Variants in DRC8 observed in about 807,000 individuals in gnomAD.
DRC8 encodes the protein dynein regulatory complex protein 8.
At chr1:245,050,901 A>T in the DRC8 span, among the ~76,000 whole-genome samples, 1 of 152,002 alleles carries the variant, frequency 6.6e-6, no homozygotes, top group South Asian at 2.1e-4. Flanking sequence ...ACTTTGAGAC[A>T]GGGTTTCACT....
At chr1:244,986,922 G>A in the DRC8 span, among the ~76,000 whole-genome samples, 1 of 152,006 alleles carries the variant, frequency 6.6e-6, no homozygotes, top group Non-Finnish European at 1.5e-5. Flanking sequence ...GAGGAGACAG[G>A]GATGAATGAA....
chr1:244,970,731 C>T, the DRC8 span: 3 of 465,616 alleles, frequency 6.4e-6, no homozygotes, highest in African/African-American at 2.2e-5. Context: ...CCGCCTTCTT[C>T]TTTCTCCTCC....
At chr1:245,090,324 C>T in the DRC8 span, among the ~76,000 whole-genome samples, 1 of 152,142 alleles carries the variant, frequency 6.6e-6, no homozygotes, top group South Asian at 2.1e-4. Flanking sequence ...GTCTTTCCTG[C>T]CTGAGTGATA....
chr1:245,092,111 A>G, the DRC8 span, among the ~76,000 whole-genome samples: 1 of 152,096 alleles, frequency 6.6e-6, no homozygotes, highest in South Asian at 2.1e-4. Flanking sequence ...TGTGTGACTC[A>G]CTCTGGATCA....
At chr1:245,094,747 T>C in the DRC8 span, among the ~76,000 whole-genome samples, 1 of 152,138 alleles carries the variant, frequency 6.6e-6, no homozygotes, top group South Asian at 2.1e-4. Context: ...AAGTGTAAAA[T>C]ACTCTAAAAA....
the DRC8 span, chr1:245,087,086 C>A: frequency 1.9e-6 from 2 of 1,066,936 alleles, no homozygotes; most frequent in Non-Finnish European, 2.7e-6. Flanking sequence ...TGTCTTTGAA[C>A]CTCTGGACTG....
the DRC8 span, among the ~76,000 whole-genome samples, chr1:245,062,264 G>T: frequency 6.6e-6 from 1 of 152,056 alleles, no homozygotes; most frequent in African/African-American, 2.4e-5. Context: ...TTCAAATATG[G>T]TGTTTCTCTT....
chr1:244,970,514 C>T, the DRC8 span: 12 of 1,502,276 alleles, frequency 8.0e-6, no homozygotes, highest in African/African-American at 7.2e-5. Context: ...GGGGAAGCGC[C>T]GGGTGGGGTG....
At chr1:245,037,474 C>A in the DRC8 span, among the ~76,000 whole-genome samples, 3 of 152,266 alleles carry the variant, frequency 2.0e-5, no homozygotes, top group East Asian at 5.8e-4. Flanking sequence ...GACATGATTT[C>A]TTAGCATAAA....
chr1:244,986,617 C>A, the DRC8 span, among the ~76,000 whole-genome samples: 1 of 151,844 alleles, frequency 6.6e-6, no homozygotes, highest in East Asian at 1.9e-4. Flanking sequence ...GCCTGGAGTC[C>A]CAGCTACTTG....
At chr1:245,023,164 A>G in the DRC8 span, 4 of 152,236 alleles carry the variant, frequency 2.6e-5, no homozygotes, top group African/African-American at 9.6e-5. Context: ...TATTTCACGT[A>G]GCGTAATGTT....
At chr1:245,002,282 A>G in the DRC8 span, 1 of 1,465,404 alleles carries the variant, frequency 6.8e-7, no homozygotes, top group Non-Finnish European at 9.4e-7. Context: ...TCGCTTAACC[A>G]TCTCTCTGCC....
At chr1:245,028,398 C>G in the DRC8 span, among the ~76,000 whole-genome samples, 1 of 152,132 alleles carries the variant, frequency 6.6e-6, no homozygotes, top group African/African-American at 2.4e-5. Flanking sequence ...TAGTGTGGAA[C>G]TTTTCAAAGA....
chr1:245,036,622 A>C, the DRC8 span, among the ~76,000 whole-genome samples: 2 of 152,240 alleles, frequency 1.3e-5, no homozygotes, highest in Non-Finnish European at 2.9e-5. Flanking sequence ...GATAAATGAA[A>C]CGTGATGTAT....
the DRC8 span, among the ~76,000 whole-genome samples, chr1:244,976,096 C>G: frequency 6.6e-6 from 1 of 151,768 alleles, no homozygotes; most frequent in Admixed American, 6.6e-5. Flanking sequence ...TGGTGAAACG[C>G]TCTCTCTACG....
chr1:245,108,125 C>T, the DRC8 span, among the ~76,000 whole-genome samples: 52 of 152,210 alleles, frequency 3.4e-4, no homozygotes, highest in Non-Finnish European at 5.3e-4. Flanking sequence ...CGTCTCTCCC[C>T]GTCACCCACC....
the DRC8 span, among the ~76,000 whole-genome samples, chr1:244,973,559 G>A: frequency 1.3e-5 from 2 of 152,066 alleles, no homozygotes; most frequent in Admixed American, 1.3e-4. Flanking sequence ...CACAAAACTC[G>A]TTTTAGGTCT....
At chr1:245,019,106 T>C in the DRC8 span, among the ~76,000 whole-genome samples, 2 of 152,214 alleles carry the variant, frequency 1.3e-5, no homozygotes, top group African/African-American at 4.8e-5. Flanking sequence ...AAAACGTGTT[T>C]ATGGGCTGAA....
At chr1:245,057,774 C>G in the DRC8 span, among the ~76,000 whole-genome samples, 2 of 151,958 alleles carry the variant, frequency 1.3e-5, no homozygotes, top group African/African-American at 4.8e-5. Flanking sequence ...TCACCTCAAA[C>G]GTTTATCTTT....
Sources: gnomAD v4.1 joint callset for allele counts (sites outside exome capture counted in the v4.1 genomes callset) on GRCh38, gnomAD v4.1.1 for gene constraint, MANE v1.5 for transcripts, NCBI Gene and HGNC (gene_info 2026-07-23, HGNC 2026-07-21) for gene names.